PTPRM: variants seen among roughly 807,000 people sequenced by gnomAD.
PTPRM encodes receptor-type tyrosine-protein phosphatase mu.
In PTPRM, 47 loss-of-function variants were observed where a neutral mutation model predicts 186.7. That is an observed-to-expected ratio of 0.25 (90% CI 0.20 to 0.32). PTPRM has a LOEUF of 0.32. PTPRM is among the 10% of genes least tolerant of loss of function. The pLI is 1.00. For missense variants in PTPRM, 1,494 were observed against 1,865.0 expected, an observed-to-expected ratio of 0.80 and a Z score of 3.66; for synonymous variants, 668 against 674.9, an observed-to-expected ratio of 0.99 and a Z score of 0.16.
intron 11 of PTPRM, among the ~76,000 whole-genome samples, chr18:8,099,942 G>A (rs917967392): frequency 2.6e-5 from 4 of 152,160 alleles, no homozygotes; most frequent in Admixed American, 2.6e-4. Context: ...AAGAAAAGAG[G>A]TTTAATTGGC....
At chr18:8,353,039 A>G (rs765717868) in intron 23 of PTPRM, among the ~76,000 whole-genome samples, 3 of 152,126 alleles carry the variant, frequency 2.0e-5, no homozygotes, top group Non-Finnish European at 4.4e-5. Flanking sequence ...CCTACCATTG[A>G]TGGACACCTG....
At chr18:7,986,948 ACATCAG>A (rs1253093773) in intron 7 of PTPRM, among the ~76,000 whole-genome samples, 1 of 152,204 alleles carries the variant, frequency 6.6e-6, no homozygotes, top group Non-Finnish European at 1.5e-5. Flanking sequence ...CAGGGAGAAC[ACATCAG>A]CAAGCCAAGG....
intron 14 of PTPRM, among the ~76,000 whole-genome samples, chr18:8,212,166 C>G (rs973594771): frequency 1.2e-4 from 18 of 152,122 alleles, no homozygotes; most frequent in African/African-American, 4.1e-4. Flanking sequence ...GGTGCCTGTG[C>G]CTGGTAGGAA....
chr18:8,292,354 A>C (rs140087900), intron 19 of PTPRM, among the ~76,000 whole-genome samples: 122 of 152,350 alleles, frequency 8.0e-4, no homozygotes, highest in African/African-American at 2.6e-3. Flanking sequence ...AGCCAAGGCA[A>C]CCAATCTAGA....
At chr18:7,602,893 C>T (rs1380168442) in intron 1 of PTPRM, among the ~76,000 whole-genome samples, 2 of 139,246 alleles carry the variant, frequency 1.4e-5, no homozygotes, top group Admixed American at 7.2e-5. Context: ...TATCTAAGAA[C>T]GATGTATTTG....
intron 12 of PTPRM, 60 bp downstream of exon 12, chr18:8,113,819 T>G (rs1157152917): frequency 1.4e-6 from 2 of 1,433,112 alleles, no homozygotes; most frequent in African/African-American, 2.9e-5. Context: ...TGAACATAGA[T>G]TAAGTAAAAT....
At chr18:7,760,189 T>G (rs2041700918) in intron 1 of PTPRM, among the ~76,000 whole-genome samples, 1 of 152,214 alleles carries the variant, frequency 6.6e-6, no homozygotes, top group Non-Finnish European at 1.5e-5. Flanking sequence ...TATTTAACAT[T>G]ATTTTATTTA....
intron 1 of PTPRM, among the ~76,000 whole-genome samples, chr18:7,698,045 T>G (rs1348206737): frequency 4.6e-5 from 7 of 152,204 alleles, no homozygotes; most frequent in African/African-American, 1.7e-4. Flanking sequence ...CAGAGGAACA[T>G]GCAAGAACAG....
In PTPRM at chr18:7,769,654, A is replaced by C. The variant is rs116084372; in HGVS notation, c.74-4495A>C. ...CTCTACTTTCCTTGCCTTTTAACTT[A>C]TACTTTTAACAGTTTTATCGATTTA... On this transcript the variant is annotated intron_variant, in intron 1 of 32. Coordinates refer to ENST00000580170, the MANE Select transcript of PTPRM (RefSeq NM_001105244.2). 7.5e-3 allele frequency among the ~76,000 whole-genome samples: 1,142 copies of C among 152,182 alleles called. 16 individuals are homozygous for C. Among genetic ancestry groups the C allele is most frequent in the African/African-American group, 0.025 (1,048 of 41,524 alleles).
intron 19 of PTPRM, among the ~76,000 whole-genome samples, chr18:8,284,504 G>A (rs2094935605): frequency 6.6e-6 from 1 of 152,114 alleles, no homozygotes; most frequent in Non-Finnish European, 1.5e-5. Context: ...TGAAACATTA[G>A]AGGAGTTTTT....
chr18:8,097,480 C>T (rs1365906839), intron 11 of PTPRM, among the ~76,000 whole-genome samples: 1 of 152,172 alleles, frequency 6.6e-6, no homozygotes, highest in East Asian at 1.9e-4. Context: ...CCCTTCATAG[C>T]ATTGAAAAGT....
chr18:7,968,335 C>T (rs190554644), intron 7 of PTPRM, among the ~76,000 whole-genome samples: 8 of 147,640 alleles, frequency 5.4e-5, no homozygotes, highest in African/African-American at 2.0e-4. Context: ...ACAACTGGTA[C>T]CAGCCGCTGC....
chr18:8,014,985 A>G (rs2084768934), intron 7 of PTPRM, among the ~76,000 whole-genome samples: 1 of 152,078 alleles, frequency 6.6e-6, no homozygotes, highest in African/African-American at 2.4e-5. Flanking sequence ...GTTTGGGACT[A>G]TTGTTTGGCT....
chr18:7,846,230 A>G (rs188489328), intron 2 of PTPRM, among the ~76,000 whole-genome samples: 3 of 152,322 alleles, frequency 2.0e-5, no homozygotes, highest in Admixed American at 1.3e-4. Flanking sequence ...AATGAGGTGG[A>G]AGAAGGCAAG....
intron 7 of PTPRM, among the ~76,000 whole-genome samples, chr18:8,039,980 C>T (rs2086589549): frequency 6.6e-6 from 1 of 152,262 alleles, no homozygotes; most frequent in East Asian, 1.9e-4. Context: ...ATATTGCAAA[C>T]AGCATATTGT....
At chr18:8,118,811 A>AAATATATATATAT (rs372020679) in intron 13 of PTPRM, among the ~76,000 whole-genome samples, 1 of 128,394 alleles carries the variant, frequency 7.8e-6, no homozygotes, top group African/African-American at 2.9e-5. Context: ...AAAAAAAAAA[A>AAATATATATATAT]ATATATATAT....
chr18:8,072,779 C>T (rs1463829260), intron 8 of PTPRM, among the ~76,000 whole-genome samples: 1 of 152,058 alleles, frequency 6.6e-6, no homozygotes, highest in Non-Finnish European at 1.5e-5. Flanking sequence ...ATAAGTTGTA[C>T]AAACTTAGGT....
At chr18:7,930,825 A>G (rs969504389) in intron 5 of PTPRM, among the ~76,000 whole-genome samples, 1 of 152,154 alleles carries the variant, frequency 6.6e-6, no homozygotes, top group African/African-American at 2.4e-5. Flanking sequence ...AGTCTTTCAC[A>G]ATAACGTAAC....
intron 14 of PTPRM, among the ~76,000 whole-genome samples, chr18:8,208,709 A>G (rs916082421): frequency 1.3e-5 from 2 of 152,188 alleles, no homozygotes; most frequent in African/African-American, 4.8e-5. Context: ...ACAGAATCTC[A>G]CTATGTTGCC....
Sources: gnomAD v4.1 joint callset for allele counts (sites outside exome capture counted in the v4.1 genomes callset) on GRCh38, gnomAD v4.1.1 for gene constraint, MANE v1.5 for transcripts, NCBI Gene and HGNC (gene_info 2026-07-23, HGNC 2026-07-21) for gene names.